Variants in EIF3M observed in about 807,000 individuals in gnomAD.
EIF3M encodes B5 receptor.
EIF3M carries 25 observed loss-of-function variants against 49.7 expected under a neutral mutation model. The observed-to-expected ratio is 0.50, with a 90% confidence interval of 0.37 to 0.70. The LOEUF is 0.70. Ranked by LOEUF, EIF3M falls within the 30% of genes least tolerant of loss-of-function variation. The pLI is 0.00. For synonymous variants in EIF3M, 156 were observed against 149.8 expected (o/e 1.04, Z -0.30); for missense variants, 350 against 440.0 (o/e 0.80, Z 1.83).
intron 4 of EIF3M, 95 bp from the exon 5 acceptor site, chr11:32,589,452 T>C (rs1217522370): frequency 2.4e-6 from 3 of 1,255,938 alleles, no homozygotes; most frequent in Admixed American, 2.0e-5. Context: ...CTGGGGATTA[T>C]AGGCGTGAGC....
Position 32,587,159 on chromosome 11 carries a change from T to G in EIF3M, c.175+15T>G, listed in dbSNP as rs140651663. 3.2e-6 allele frequency: 5 copies of G among 1,548,088 alleles called. No homozygotes were observed. In the South Asian group the frequency reaches 6.3e-5, roughly 19 times the overall value. On this transcript the variant is annotated intron_variant, in intron 2 of 10. Coordinates refer to ENST00000531120, the MANE Select transcript of EIF3M (RefSeq NM_006360.6). ...GGATGATAAAGGTTTGTTTTTAATT[T>G]TTTTCTAATATTTCCTAATAAAATC...
chr11:32,593,212 A>G (rs962804258), intron 5 of EIF3M, among the ~76,000 whole-genome samples: 1 of 152,234 alleles, frequency 6.6e-6, no homozygotes, highest in Non-Finnish European at 1.5e-5. Flanking sequence ...TGAAGATTCC[A>G]CAGTTTAAAG....
At chr11:32,596,092 G>A in intron 8 of EIF3M, 45 bp downstream of exon 8, 1 of 1,397,788 alleles carries the variant, frequency 7.2e-7, no homozygotes. Flanking sequence ...GTGGGAACAT[G>A]ATACACTAAC....
intron 1 of EIF3M, among the ~76,000 whole-genome samples, chr11:32,584,607 C>CAAAAGAAAA (rs1854964249): frequency 1.6e-5 from 1 of 62,292 alleles, no homozygotes; most frequent in Non-Finnish European, 2.9e-5. Flanking sequence ...GAGTCCCTCT[C>CAAAAGAAAA]AAAAAAAAAA....
intron 3 of EIF3M, 99 bp from the exon 4 acceptor site, chr11:32,588,910 AGTT>A (rs1191185944): frequency 2.8e-5 from 43 of 1,538,090 alleles, no homozygotes; most frequent in Non-Finnish European, 3.1e-5. Context: ...TGTAATATGA[AGTT>A]GTTAACGGTA....
rs1289776917 is a variant in EIF3M, at chr11:32,593,755, C to T, written c.534-111C>T. On this transcript the variant is annotated intron_variant, in intron 5 of 10. Transcript: ENST00000531120. ...TTTCCCATAGACAGGGACTTTGTCT[C>T]TCTTAGTCACCGTTATAATGTCATC... is the stretch of plus-strand genomic sequence containing the variant. The T allele has an allele frequency of 1.3e-5, 8 of 627,612 alleles. No individual in the cohort carries two copies. In the South Asian group the frequency reaches 4.7e-4, roughly 37 times the overall value. 38.9% of individuals were successfully genotyped at this position (627,612 alleles called of 1,614,324 possible).
chr11:32,583,856 A>C lies in EIF3M; in HGVS notation c.-32A>C. Reference sequence around the variant, plus strand: ...CTTTTCCGGTCGGCGTGGTCTTGCGAGTGGAGTGTCCGCTGTGCCCGGGCC... The same window carrying C: ...CTTTTCCGGTCGGCGTGGTCTTGCGCGTGGAGTGTCCGCTGTGCCCGGGCC... On this transcript the variant is annotated 5_prime_UTR_variant, in exon 1 of 11. Coordinates refer to ENST00000531120, the MANE Select transcript of EIF3M (RefSeq NM_006360.6). The C allele has an allele frequency of 6.2e-7, 1 of 1,610,098 alleles. No homozygotes were observed. Among genetic ancestry groups the C allele is most frequent in the East Asian group, 2.2e-5 (1 of 44,754 alleles).
At chr11:32,601,527 C>G in intron 9 of EIF3M, 1 of 265,476 alleles carries the variant, frequency 3.8e-6, no homozygotes, top group South Asian at 1.4e-4. Flanking sequence ...AAAAAAACAG[C>G]AAAAAACTGT....
rs747876038 is a variant in EIF3M at position 32,603,048 on chromosome 11, C to G, written c.*649C>G. ...GGGAAAGATAAACTAATTTTACCTT[C>G]GAAATTATTATACAAAAGATTTTAA... On this transcript the variant is annotated 3_prime_UTR_variant, in exon 11 of 11. Coordinates refer to ENST00000531120, the MANE Select transcript of EIF3M (RefSeq NM_006360.6). 12 of 1,524,576 alleles carry G rather than the reference C, an allele frequency of 7.9e-6. No individual in the cohort carries two copies. The highest frequency in any genetic ancestry group is 1.1e-5 in the Non-Finnish European group (12 of 1,119,908). 94.4% of individuals were successfully genotyped at this position (1,524,576 alleles called of 1,614,324 possible). A position where few individuals can be genotyped will look rare whatever the true frequency, so the allele number is the denominator to read the frequency against.
rs369742761 is a variant in EIF3M, at chr11:32,603,025, G to T, written c.*626G>T. 5 of 1,583,264 alleles carry T rather than the reference G, an allele frequency of 3.2e-6. No homozygotes were observed. The African/African-American group carries it at 4.1e-5, about 13-fold the overall frequency. On this transcript the variant is annotated 3_prime_UTR_variant, in exon 11 of 11. Transcript: ENST00000531120. ...TATCAGAGGCTTTGTTTTCACCTGGGAAAGATAAACTAATTTTACCTTCGA... is the reference window on the plus strand; with the variant it reads ...TATCAGAGGCTTTGTTTTCACCTGGTAAAGATAAACTAATTTTACCTTCGA...
At chr11:32,593,006 C>T (rs1278315971) in intron 5 of EIF3M, among the ~76,000 whole-genome samples, 1 of 152,218 alleles carries the variant, frequency 6.6e-6, no homozygotes, top group Non-Finnish European at 1.5e-5. Flanking sequence ...GCCATGCCTA[C>T]AGTGGTATTT....
At chr11:32,587,212 G>A (rs1297154549) in intron 2 of EIF3M, 68 bp downstream of exon 2, 1 of 1,449,530 alleles carries the variant, frequency 6.9e-7, no homozygotes, top group East Asian at 2.4e-5. Context: ...GAATTATAGA[G>A]TCGTCCCTCA....
intron 8 of EIF3M, among the ~76,000 whole-genome samples, chr11:32,596,600 C>CAAAAAAAAA (rs35206274): frequency 3.4e-5 from 4 of 116,362 alleles, no homozygotes; most frequent in East Asian, 3.4e-4. Context: ...GAGTCTGTCT[C>CAAAAAAAAA]AAAAAAAAAA....
At position 32,602,478 on chromosome 11, in the gene EIF3M, C is replaced by T; in HGVS notation, c.*79C>T. On this transcript the variant is annotated 3_prime_UTR_variant, in exon 11 of 11. Coordinates refer to ENST00000531120, the MANE Select transcript of EIF3M (RefSeq NM_006360.6). ...AAACATTATAAACTAAAAAAATTTG[C>T]CTAGTCTGGACAGTTATTGTCTCAA... is the stretch of plus-strand genomic sequence containing the variant. The T allele has an allele frequency of 2.0e-6, 3 of 1,502,178 alleles. No homozygotes were observed. Among genetic ancestry groups the T allele is most frequent in the Non-Finnish European group, 2.7e-6 (3 of 1,118,352 alleles). The allele number at this position is 1,502,178 out of a possible 1,614,324, so 93.1% of individuals were successfully genotyped here. A position where few individuals can be genotyped will look rare whatever the true frequency, so the allele number is the denominator to read the frequency against.
intron 1 of EIF3M, 130 bp downstream of exon 1, chr11:32,584,059 A>G: frequency 7.9e-7 from 1 of 1,272,906 alleles, no homozygotes; most frequent in Non-Finnish European, 1.1e-6. Context: ...GAGAATGGGG[A>G]GGCCGGTGGC....
At chr11:32,588,173 A>G (rs1855029834) in intron 2 of EIF3M, among the ~76,000 whole-genome samples, 1 of 152,018 alleles carries the variant, frequency 6.6e-6, no homozygotes, top group Non-Finnish European at 1.5e-5. Context: ...GGTGGATCAC[A>G]TGGTCAAGAG....
rs1318905949 is a variant in EIF3M, at chr11:32,602,801, C to T, written c.*402C>T. The T allele has an allele frequency of 2.0e-6, 3 of 1,537,776 alleles. No individual in the cohort carries two copies. Among genetic ancestry groups the T allele is most frequent in the Non-Finnish European group, 2.6e-6 (3 of 1,133,292 alleles). On this transcript the variant is annotated 3_prime_UTR_variant, in exon 11 of 11. Transcript: ENST00000531120. ...TTACATAATTTCACTACTGAAAGCA[C>T]TTATCTACATTATTTTAATCTGTTG... is the stretch of plus-strand genomic sequence containing the variant.
intron 5 of EIF3M, among the ~76,000 whole-genome samples, chr11:32,590,280 T>A (rs1855080033): frequency 6.6e-6 from 1 of 152,210 alleles, no homozygotes; most frequent in African/African-American, 2.4e-5. Flanking sequence ...GCCTATTCAT[T>A]TACATATTGT....
chr11:32,600,799 G>A lies in EIF3M; in HGVS notation c.910G>A (p.Gly304Arg), dbSNP rs768291113. ...FDTMQQELQI[G>R]ADDVEAFVID... Reference sequence around the variant, plus strand: ...CACAATGCAGCAAGAACTTCAGATTGGAGCTGATGATGTTGAAGCATTTGT... The same window carrying A: ...CACAATGCAGCAAGAACTTCAGATTAGAGCTGATGATGTTGAAGCATTTGT... The change falls in exon 9 of 11, where the codon GGA (glycine) becomes AGA (arginine). Residue 304 changes from glycine (G) to arginine (R), a missense_variant. Coordinates refer to ENST00000531120, the MANE Select transcript of EIF3M (RefSeq NM_006360.6). 1 of 1,609,536 alleles carries A rather than the reference G, an allele frequency of 6.2e-7. No homozygotes were observed. The highest frequency in any genetic ancestry group is 1.1e-5 in the South Asian group (1 of 90,220).
Sources: allele counts gnomAD v4.1 joint callset (sites outside exome capture counted in the v4.1 genomes callset), GRCh38; gene constraint gnomAD v4.1.1; transcripts MANE v1.5; gene names NCBI Gene and HGNC (gene_info 2026-07-23, HGNC 2026-07-21).